CPAP: variants seen among roughly 807,000 people sequenced by gnomAD.
The protein encoded by CPAP is centrosome assembly and centriole elongation protein, also known as centrosomal P4.1-associated protein.
chr13:24,908,692 A>C, the CPAP span, among the ~76,000 whole-genome samples: 1 of 152,194 alleles, frequency 6.6e-6, no homozygotes, highest in Non-Finnish European at 1.5e-5. Context: ...AAAAGGCTAA[A>C]GAGTTGTAAG....
the CPAP span, chr13:24,908,143 G>C: frequency 6.5e-7 from 1 of 1,550,096 alleles, no homozygotes; most frequent in Admixed American, 1.7e-5. Context: ...TAAAAATTAA[G>C]AACAATTTAG....
the CPAP span, among the ~76,000 whole-genome samples, chr13:24,931,302 G>GTTTT: frequency 4.4e-4 from 4 of 9,064 alleles, no homozygotes; most frequent in Non-Finnish European, 6.1e-4. Context: ...ATTTTTTCAT[G>GTTTT]TTTCTTTTTT....
chr13:24,884,760 CCTT>C, the CPAP span, among the ~76,000 whole-genome samples: 1 of 152,124 alleles, frequency 6.6e-6, no homozygotes, highest in Non-Finnish European at 1.5e-5. Context: ...TGTTCTTTGT[CCTT>C]CTCTCATTCC....
chr13:24,933,955 A>G, the CPAP span, among the ~76,000 whole-genome samples: 2 of 152,060 alleles, frequency 1.3e-5, no homozygotes, highest in African/African-American at 4.8e-5. Flanking sequence ...TAAACTCCTG[A>G]CCTCATGTCA....
the CPAP span, among the ~76,000 whole-genome samples, chr13:24,904,464 T>A: frequency 6.6e-6 from 1 of 152,236 alleles, no homozygotes; most frequent in Admixed American, 6.5e-5. Flanking sequence ...TTTCCCTTTA[T>A]CAAATTTGCT....
chr13:24,892,897 A>G, the CPAP span: 1 of 1,403,842 alleles, frequency 7.1e-7, no homozygotes, highest in Non-Finnish European at 1.0e-6. Flanking sequence ...AAAAGAAAAA[A>G]CCATTACTAC....
the CPAP span, chr13:24,925,848 A>G: frequency 6.6e-6 from 1 of 152,670 alleles, no homozygotes; most frequent in Non-Finnish European, 1.5e-5. Context: ...GTTTACTTAC[A>G]TTGACCAGGA....
At chr13:24,894,151 G>A in the CPAP span, among the ~76,000 whole-genome samples, 1 of 152,116 alleles carries the variant, frequency 6.6e-6, no homozygotes, top group African/African-American at 2.4e-5. Context: ...GACAGGAAGG[G>A]GAAAAAAGGC....
At chr13:24,927,171 T>G in the CPAP span, among the ~76,000 whole-genome samples, 12 of 152,284 alleles carry the variant, frequency 7.9e-5, no homozygotes, top group Admixed American at 4.6e-4. Flanking sequence ...TCCCTGTTCA[T>G]CTTTGGGAAT....
At chr13:24,927,114 C>T in the CPAP span, among the ~76,000 whole-genome samples, 7 of 152,138 alleles carry the variant, frequency 4.6e-5, no homozygotes, top group African/African-American at 1.7e-4. Context: ...TCTAAAGTCA[C>T]GATTTGGAGG....
chr13:24,919,296 G>C, the CPAP span, among the ~76,000 whole-genome samples: 5 of 152,194 alleles, frequency 3.3e-5, no homozygotes, highest in Admixed American at 3.3e-4. Context: ...CTTTATCTGA[G>C]TAATGCAATG....
At chr13:24,887,120 T>C in the CPAP span, among the ~76,000 whole-genome samples, 4 of 151,980 alleles carry the variant, frequency 2.6e-5, no homozygotes, top group South Asian at 6.2e-4. Context: ...GACCCCAAGA[T>C]AGGGAAAGAA....
the CPAP span, among the ~76,000 whole-genome samples, chr13:24,922,381 C>A: frequency 1.1e-4 from 16 of 152,188 alleles, no homozygotes; most frequent in Admixed American, 1.0e-3. Context: ...AAGAGAGAAG[C>A]CCTTGACAAA....
the CPAP span, chr13:24,906,809 T>C: frequency 6.2e-7 from 1 of 1,614,262 alleles, no homozygotes; most frequent in Non-Finnish European, 8.5e-7. Flanking sequence ...AAACAGCGGC[T>C]GGTCCTCGGA....
At chr13:24,921,662 T>C in the CPAP span, among the ~76,000 whole-genome samples, 1 of 152,156 alleles carries the variant, frequency 6.6e-6, no homozygotes, top group African/African-American at 2.4e-5. Flanking sequence ...TAACTTTGCT[T>C]AATTTCAATG....
the CPAP span, among the ~76,000 whole-genome samples, chr13:24,917,189 T>G: frequency 6.6e-6 from 1 of 152,060 alleles, no homozygotes. Flanking sequence ...AGGCAGCAGA[T>G]CTTGCAGTGA....
At chr13:24,922,574 G>A in the CPAP span, among the ~76,000 whole-genome samples, 1 of 152,226 alleles carries the variant, frequency 6.6e-6, no homozygotes, top group Non-Finnish European at 1.5e-5. Context: ...GCGAATGAAC[G>A]AAGCCACTGA....
chr13:24,901,056 C>T, the CPAP span, among the ~76,000 whole-genome samples: 1 of 152,168 alleles, frequency 6.6e-6, no homozygotes, highest in South Asian at 2.1e-4. Context: ...GGCGAGAGAA[C>T]TGGATCTGGG....
At chr13:24,902,728 A>T in the CPAP span, among the ~76,000 whole-genome samples, 1 of 152,200 alleles carries the variant, frequency 6.6e-6, no homozygotes, top group Non-Finnish European at 1.5e-5. Context: ...ACCTGTCAGA[A>T]TCAACCACTT....
Sources: allele counts gnomAD v4.1 joint callset (sites outside exome capture counted in the v4.1 genomes callset), GRCh38; gene constraint gnomAD v4.1.1; transcripts MANE v1.5; gene names NCBI Gene and HGNC (gene_info 2026-07-23, HGNC 2026-07-21).